Variants in ARHGAP44 observed in about 807,000 individuals in gnomAD.
The protein encoded by ARHGAP44 is Rho GTPase activating protein 44.
Under a neutral mutation model 106.8 loss-of-function variants are expected in ARHGAP44, and 43 were observed. The ratio of observed to expected loss-of-function variants is 0.40; its 90% CI spans 0.32 to 0.52. ARHGAP44 has a LOEUF of 0.52. Ranked by LOEUF, ARHGAP44 falls within the 20% of genes least tolerant of loss-of-function variation. The probability of loss-of-function intolerance (pLI) is 0.48; values close to 1 mark genes in which losing one functional copy is unlikely to be tolerated. For missense variants in ARHGAP44, 866 were observed against 1,050.5 expected, an observed-to-expected ratio of 0.82 and a Z score of 2.43; for synonymous variants, 439 against 410.3, an observed-to-expected ratio of 1.07 and a Z score of -0.85.
intron 6 of ARHGAP44, among the ~76,000 whole-genome samples, 167 bp from the exon 7 acceptor site, chr17:12,928,762 C>T (rs1022998393): frequency 6.6e-6 from 1 of 152,146 alleles, no homozygotes; most frequent in Non-Finnish European, 1.5e-5. Flanking sequence ...AAATATGGGC[C>T]CACTGTCTCC....
Position 12,944,018 on chromosome 17 carries a change from T to C in ARHGAP44, c.734-51T>C. 3 of 1,538,632 alleles carry C rather than the reference T, an allele frequency of 1.9e-6. No homozygotes were observed. In the South Asian group the frequency reaches 3.7e-5, roughly 19 times the overall value. ...AACAAAGGAAAGCGAGATTCCAGCATGAGTGAACTTGGCGAACAGCTGACT... is the reference window on the plus strand; with the variant it reads ...AACAAAGGAAAGCGAGATTCCAGCACGAGTGAACTTGGCGAACAGCTGACT... On this transcript the variant is annotated intron_variant, in intron 9 of 20. Transcript: ENST00000379672.
At chr17:12,890,243 C>T (rs1415860126) in intron 1 of ARHGAP44, among the ~76,000 whole-genome samples, 1 of 152,188 alleles carries the variant, frequency 6.6e-6, no homozygotes, top group Non-Finnish European at 1.5e-5. Context: ...TCTCTTGTGA[C>T]ATGTCTGTGC....
intron 16 of ARHGAP44, 162 bp from the exon 17 acceptor site, chr17:12,973,130 GAGAGTCACTT>G: frequency 1.6e-6 from 1 of 642,366 alleles, no homozygotes; most frequent in African/African-American, 1.8e-5. Flanking sequence ...ACACAAATAG[GAGAGTCACTT>G]TAGAGAGACC....
intron 1 of ARHGAP44, among the ~76,000 whole-genome samples, chr17:12,891,518 C>G (rs2037044602): frequency 6.6e-6 from 1 of 152,108 alleles, no homozygotes; most frequent in African/African-American, 2.4e-5. Flanking sequence ...TGAACACACT[C>G]CCACAGTGAC....
rs944234615 is a variant in ARHGAP44 at position 12,984,758 on chromosome 17, T to G, written c.2167T>G (p.Leu723Val). 9 of 1,613,832 alleles carry G rather than the reference T, an allele frequency of 5.6e-6. No individual in the cohort carries two copies. The highest frequency in any genetic ancestry group is 1.6e-4 in the Middle Eastern group (1 of 6,084). Residue 723 changes from leucine to valine, a missense_variant, in exon 20 of 21, where the codon TTG (leucine) becomes GTG (valine). Physicochemically the swap from Leu to Val is conservative, Grantham distance 32 (BLOSUM62 1). This residue lies in a region of ARHGAP44 where 418 missense variants were observed against 403.6 expected (regional missense o/e 1.04). Coordinates refer to ENST00000379672, the MANE Select transcript of ARHGAP44 (RefSeq NM_014859.6). Reference sequence around the variant, plus strand: ...CTCTCCTTCTGTCTTTACAAGCACTTTGAGCAAATCGCGGCCCACTCCTAA... The same window carrying G: ...CTCTCCTTCTGTCTTTACAAGCACTGTGAGCAAATCGCGGCCCACTCCTAA... ...LASPSVFTSTLSKSRPTPKPR... is the reference protein window; with the variant it reads ...LASPSVFTSTVSKSRPTPKPR...
chr17:12,852,033 G>C (rs139168607), intron 1 of ARHGAP44, among the ~76,000 whole-genome samples: 1 of 150,970 alleles, frequency 6.6e-6, no homozygotes, highest in African/African-American at 2.4e-5. Flanking sequence ...TCCACCTCAA[G>C]GGTTCTTGGA....
intron 1 of ARHGAP44, among the ~76,000 whole-genome samples, chr17:12,878,055 C>T (rs1055498136): frequency 2.0e-5 from 3 of 152,244 alleles, no homozygotes; most frequent in South Asian, 2.1e-4. Context: ...ATGAATTAGC[C>T]GTTACATGAA....
At chr17:12,930,511 T>G (rs12947409) in intron 7 of ARHGAP44, among the ~76,000 whole-genome samples, 1 of 152,216 alleles carries the variant, frequency 6.6e-6, no homozygotes, top group East Asian at 1.9e-4. Flanking sequence ...GTGCTGGGAT[T>G]ACAGGCGTGA....
chr17:12,973,497 A>G (rs943516291), intron 17 of ARHGAP44, 178 bp downstream of exon 17: 7 of 659,148 alleles, frequency 1.1e-5, no homozygotes, highest in Middle Eastern at 7.5e-4. Context: ...CCATAGGCAC[A>G]AGCAGCCCCT....
chr17:12,920,873 C>T (rs762791516), intron 6 of ARHGAP44, among the ~76,000 whole-genome samples: 8 of 152,078 alleles, frequency 5.3e-5, no homozygotes, highest in Non-Finnish European at 1.2e-4. Flanking sequence ...CAGGCGGGTG[C>T]CAAAGGCCCT....
intron 12 of ARHGAP44, 127 bp from the exon 13 acceptor site, chr17:12,952,374 T>C (rs113966744): frequency 3.9e-6 from 3 of 759,744 alleles, no homozygotes. Flanking sequence ...AATTTTTAAA[T>C]ACTAGCTTGC....
chr17:12,821,646 C>T (rs2034774150), intron 1 of ARHGAP44, among the ~76,000 whole-genome samples: 1 of 152,152 alleles, frequency 6.6e-6, no homozygotes, highest in South Asian at 2.1e-4. Context: ...GATCCTAAAA[C>T]ACCAACTAGA....
At chr17:12,874,115 T>G (rs1167885633) in intron 1 of ARHGAP44, among the ~76,000 whole-genome samples, 1 of 152,130 alleles carries the variant, frequency 6.6e-6, no homozygotes, top group Non-Finnish European at 1.5e-5. Flanking sequence ...CAATCCTTCA[T>G]GGTTACAAGA....
chr17:12,911,200 G>T (rs1312920236), intron 4 of ARHGAP44, among the ~76,000 whole-genome samples: 1 of 152,108 alleles, frequency 6.6e-6, no homozygotes, highest in African/African-American at 2.4e-5. Context: ...AAATCCTGTT[G>T]TATGGTATTT....
intron 1 of ARHGAP44, among the ~76,000 whole-genome samples, chr17:12,801,702 A>T (rs1253589532): frequency 6.6e-6 from 1 of 152,182 alleles, no homozygotes; most frequent in African/African-American, 2.4e-5. Context: ...ATATGAGTGC[A>T]TACAGGGTTA....
intron 12 of ARHGAP44, among the ~76,000 whole-genome samples, chr17:12,950,388 A>G (rs927014053): frequency 6.6e-6 from 1 of 152,172 alleles, no homozygotes; most frequent in Non-Finnish European, 1.5e-5. Flanking sequence ...AGATGCGCCC[A>G]AGGGAGAGGC....
At chr17:12,976,949 T>C (rs931272468) in intron 18 of ARHGAP44, among the ~76,000 whole-genome samples, 1 of 152,150 alleles carries the variant, frequency 6.6e-6, no homozygotes, top group Non-Finnish European at 1.5e-5. Context: ...TTCATCCTAG[T>C]TTCCCATCTT....
chr17:12,968,481 G>T lies in ARHGAP44; in HGVS notation c.1524-4821G>T, dbSNP rs553620181. Among the ~76,000 whole-genome samples the T allele has an allele frequency of 7.2e-4, 109 of 152,262 alleles. 1 individual carries two copies. Among genetic ancestry groups the T allele is most frequent in the African/African-American group, 2.6e-3 (106 of 41,564 alleles). On this transcript the variant is annotated intron_variant, in intron 16 of 20. Coordinates refer to ENST00000379672, the MANE Select transcript of ARHGAP44 (RefSeq NM_014859.6). ...ACCTTTCAGACAAGATGACCCTTCT[G>T]ACTCCTGCCTCCTTTACTGCCCCAA... is the stretch of plus-strand genomic sequence containing the variant.
In ARHGAP44 at chr17:12,919,743, G is replaced by A; in HGVS notation, c.388-12G>A. ...TCAGTTTAATTGTATCTTTTATGTT[G>A]TGTAACCACAGGTGGAAATCCCAAA... On this transcript the variant is annotated splice_polypyrimidine_tract_variant and intron_variant, in intron 5 of 20. Transcript: ENST00000379672. 2.5e-6 allele frequency: 4 copies of A among 1,606,938 alleles called. No homozygotes were observed. The highest frequency in any genetic ancestry group is 2.2e-5 in the East Asian group (1 of 44,728).
Sources: allele counts gnomAD v4.1 joint callset (sites outside exome capture counted in the v4.1 genomes callset), GRCh38; gene constraint gnomAD v4.1.1; regional missense constraint gnomAD v4.1.1; transcripts MANE v1.5; gene names NCBI Gene and HGNC (gene_info 2026-07-23, HGNC 2026-07-21).